The following POLQ variants were observed in gnomAD, a reference collection of about 807,000 sequenced individuals.
POLQ encodes the protein DNA polymerase theta.
POLQ carries 233 observed loss-of-function variants against 259.2 expected under a neutral mutation model. That is an observed-to-expected ratio of 0.90 (90% CI 0.81 to 1.00). The LOEUF (loss-of-function observed/expected upper bound fraction) is 1.00. POLQ is among the 50% of genes least tolerant of loss of function. POLQ has a pLI of 0.00. For missense variants in POLQ, 2,871 were observed against 3,051.6 expected (o/e 0.94, Z 1.39); for synonymous variants, 1,025 against 1,048.8 (o/e 0.98, Z 0.44).
intron 16 of POLQ, among the ~76,000 whole-genome samples, chr3:121,486,225 T>A (rs948271554): frequency 6.6e-6 from 1 of 152,204 alleles, no homozygotes; most frequent in African/African-American, 2.4e-5. Flanking sequence ...TGTAATTACA[T>A]AAGCAAACAA....
chr3:121,473,040 A>G (rs1487433372), intron 21 of POLQ, among the ~76,000 whole-genome samples: 1 of 152,246 alleles, frequency 6.6e-6, no homozygotes, highest in Non-Finnish European at 1.5e-5. Flanking sequence ...CCTGGCCAAC[A>G]TGGTGAAACC....
intron 24 of POLQ, 55 bp downstream of exon 24, chr3:121,467,464 C>T: frequency 6.3e-7 from 1 of 1,583,262 alleles, no homozygotes; most frequent in South Asian, 1.1e-5. Flanking sequence ...TTTATCCATG[C>T]TTTGAAAAAC....
At chr3:121,490,534 T>C (rs2048059876) in intron 15 of POLQ, 126 bp from the exon 16 acceptor site, 9 of 762,526 alleles carry the variant, frequency 1.2e-5, no homozygotes, top group South Asian at 3.5e-5. Context: ...GAGAGAAATG[T>C]ATCTGCTCTC....
chr3:121,439,448 G>T (rs563868917), intron 27 of POLQ, among the ~76,000 whole-genome samples: 1 of 152,164 alleles, frequency 6.6e-6, no homozygotes, highest in East Asian at 1.9e-4. Context: ...GCCCAAGCTG[G>T]TCTCAAACTC....
rs566091238 is a variant in POLQ, at chr3:121,519,953, A to G, written c.1386T>C (p.Pro462=). The G allele has an allele frequency of 6.7e-4, 1,084 of 1,612,208 alleles. 17 individuals carry two copies. In the South Asian group the frequency reaches 0.011, roughly 17 times the overall value. ...TATCTAGAGGTCGACCACCAAAAATAGGGGTTCGAATAATCACACGACGTG... is the reference window on the plus strand; with the variant it reads ...TATCTAGAGGTCGACCACCAAAAATGGGGGTTCGAATAATCACACGACGTG... ...LPARRVIIRT[P]IFGGRPLDIL... is the part of the protein sequence containing the mutation. The change falls in exon 9 of 30, where the codon CCT becomes CCC. Residue 462 remains proline (P), a synonymous_variant. Coordinates refer to ENST00000264233, the MANE Select transcript of POLQ (RefSeq NM_199420.4).
At chr3:121,491,042 C>A (rs949842269) in intron 15 of POLQ, among the ~76,000 whole-genome samples, 1 of 151,984 alleles carries the variant, frequency 6.6e-6, no homozygotes, top group African/African-American at 2.4e-5. Context: ...CAGAACAGGA[C>A]CCTGTCTCAT....
At chr3:121,485,234 T>C in intron 16 of POLQ, 50 bp from the exon 17 acceptor site, 1 of 1,256,950 alleles carries the variant, frequency 8.0e-7, no homozygotes. Context: ...AATAAAGACA[T>C]TACATAAATT....
intron 27 of POLQ, among the ~76,000 whole-genome samples, chr3:121,438,058 G>T (rs769903111): frequency 6.6e-6 from 1 of 152,180 alleles, no homozygotes; most frequent in Non-Finnish European, 1.5e-5. Context: ...GCCCTGAGTG[G>T]TAGTTACACA....
chr3:121,500,804 T>A (rs892164039), intron 12 of POLQ, among the ~76,000 whole-genome samples: 1 of 151,566 alleles, frequency 6.6e-6, no homozygotes, highest in Non-Finnish European at 1.5e-5. Context: ...AGAAAAAAAA[T>A]CTTGAAAACA....
At chr3:121,494,434 G>A in intron 14 of POLQ, 1 of 1,540,954 alleles carries the variant, frequency 6.5e-7, no homozygotes, top group Non-Finnish European at 8.9e-7. Context: ...CAAGGCAAGA[G>A]AAGAAGCAGA....
chr3:121,462,291 GACA>G (rs2047798478), intron 24 of POLQ, among the ~76,000 whole-genome samples: 1 of 152,104 alleles, frequency 6.6e-6, no homozygotes, highest in Non-Finnish European at 1.5e-5. Flanking sequence ...TCAGATGTTA[GACA>G]ACAAGCCATG....
At chr3:121,446,642 T>G (rs529227284) in intron 26 of POLQ, among the ~76,000 whole-genome samples, 9 of 152,180 alleles carry the variant, frequency 5.9e-5, no homozygotes, top group Non-Finnish European at 1.2e-4. Context: ...AATTCTTATA[T>G]TCTCTTGCTT....
rs375900617 is a variant in POLQ, at chr3:121,467,616, G to A, written c.6870C>T (p.Ser2290=). 129 of 1,613,472 alleles carry A rather than the reference G, an allele frequency of 8.0e-5. No homozygotes were observed. Among genetic ancestry groups the A allele is most frequent in the Non-Finnish European group, 1.0e-4 (122 of 1,179,522 alleles). The stretch of plus-strand genomic sequence containing the variant: ...TCTGTGCCTGGCATCTAGGATTCAC[G>A]CTGAAACCCTTCTTATATTTTCCTC... The part of the protein sequence containing the change: ...MGRGKYKKGF[S]VNPRCQAQME... Residue 2290 remains serine, a synonymous_variant, in exon 24 of 30, where the codon AGC becomes AGT. Coordinates refer to ENST00000264233, the MANE Select transcript of POLQ (RefSeq NM_199420.4).
intron 24 of POLQ, among the ~76,000 whole-genome samples, chr3:121,467,279 ATGGTTTCAGCAGAC>A (rs1286286874): frequency 1.3e-5 from 2 of 152,204 alleles, no homozygotes; most frequent in Non-Finnish European, 1.5e-5. Context: ...GTTAGAAAAC[ATGGTTTCAGCAGAC>A]TGCTGCTGCT....
At chr3:121,499,547 G>A (rs981575883) in intron 12 of POLQ, among the ~76,000 whole-genome samples, 3 of 152,122 alleles carry the variant, frequency 2.0e-5, no homozygotes, top group East Asian at 1.9e-4. Flanking sequence ...CAGCCACTGC[G>A]CCCGGCCAGA....
intron 12 of POLQ, among the ~76,000 whole-genome samples, chr3:121,501,883 G>C (rs112510938): frequency 6.7e-6 from 1 of 150,190 alleles, no homozygotes; most frequent in South Asian, 2.1e-4. Context: ...CCAGGGACTC[G>C]GGAGGCTGAG....
At chr3:121,525,667 C>A (rs539965788) in intron 7 of POLQ, among the ~76,000 whole-genome samples, 1 of 152,108 alleles carries the variant, frequency 6.6e-6, no homozygotes, top group Non-Finnish European at 1.5e-5. Context: ...AGGGTCCGTG[C>A]CATAAAAAAA....
chr3:121,436,227 T>C lies in POLQ; in HGVS notation c.7438A>G (p.Ile2480Val), dbSNP rs1259450913. ...ATGTTAACTGTGGCTATTTTGACAATATCAGCTGCTGATCCTTGGACTATT... is the reference window on the plus strand; with the variant it reads ...ATGTTAACTGTGGCTATTTTGACAACATCAGCTGCTGATCCTTGGACTATT... ...NTIVQGSAAD[I>V]VKIATVNIQK... is the part of the protein sequence containing the mutation. Residue 2480 changes from isoleucine (I) to valine (V), a missense_variant, in exon 28 of 30, where the codon ATT (isoleucine) becomes GTT (valine). Transcript: ENST00000264233. 2 of 1,613,846 alleles carry C rather than the reference T, an allele frequency of 1.2e-6. No homozygotes were observed. The highest frequency in any genetic ancestry group is 1.7e-5 in the Admixed American group (1 of 60,002).
At position 121,467,503 on chromosome 3, in the gene POLQ, C is replaced by G. The variant is rs774073624; in HGVS notation, c.6967+16G>C. ...CTCACAGCAATGAGAAGCTTCAAAG[C>G]TATCAGCCACCTTACCTGGGAAAGG... On this transcript the variant is annotated intron_variant, in intron 24 of 29. Transcript: ENST00000264233. The G allele has an allele frequency of 6.2e-7, 1 of 1,612,388 alleles. No individual in the cohort carries two copies. Among genetic ancestry groups the G allele is most frequent in the East Asian group, 2.2e-5 (1 of 44,836 alleles).
Sources: gnomAD v4.1 joint callset for allele counts (sites outside exome capture counted in the v4.1 genomes callset) on GRCh38, gnomAD v4.1.1 for gene constraint, MANE v1.5 for transcripts, NCBI Gene and HGNC (gene_info 2026-07-23, HGNC 2026-07-21) for gene names.